Variants in SYN3 observed in about 807,000 individuals in gnomAD.
SYN3 encodes the protein synapsin III.
SYN3 carries 35 observed loss-of-function variants against 65.8 expected under a neutral mutation model. That is an observed-to-expected ratio of 0.53 (90% CI 0.41 to 0.70). The LOEUF (loss-of-function observed/expected upper bound fraction) is 0.70. SYN3 is among the 30% of genes least tolerant of loss of function. SYN3 has a pLI of 0.00. For missense variants in SYN3, 680 were observed against 749.0 expected, an observed-to-expected ratio of 0.91 and a Z score of 1.08; for synonymous variants, 270 against 292.9, an observed-to-expected ratio of 0.92 and a Z score of 0.80.
chr22:32,558,521 G>A (rs1298911544), intron 7 of SYN3, among the ~76,000 whole-genome samples: 1 of 152,232 alleles, frequency 6.6e-6, no homozygotes, highest in Non-Finnish European at 1.5e-5. Context: ...TGGTTTGAAT[G>A]CAGAGGATGG....
Position 32,846,974 on chromosome 22 carries a change from C to T in SYN3, c.711+17941G>A, listed in dbSNP as rs5998646. ...TGCAGAAGCTTCCAGCAGTACTCAG[C>T]TTTATGGGGCAGGTCTGCTTGTGAC... On this transcript the variant is annotated intron_variant, in intron 6 of 13. Transcript: ENST00000358763. Among the ~76,000 whole-genome samples the T allele has an allele frequency of 8.2e-3, 1,252 of 152,344 alleles. 15 individuals are homozygous for T. Among genetic ancestry groups the T allele is most frequent in the African/African-American group, 0.029 (1,203 of 41,580 alleles).
At position 32,541,588 on chromosome 22, in the gene SYN3, G is replaced by C; in HGVS notation, c.900C>G (p.Ser300=). 6.2e-7 allele frequency: 1 copy of C among 1,614,080 alleles called. No homozygotes were observed. The highest frequency in any genetic ancestry group is 1.3e-5 in the African/African-American group (1 of 75,014). The part of the protein sequence containing the change: ...KYDIRIQKIG[S]NYKAYMRTSI... ...AGACTCACATGTAAGCCTTGTAGTT[G>C]GATCCAATTTTCTGGATGCGGATGT... Residue 300 remains serine (S), a synonymous_variant, in exon 8 of 14, where the codon TCC becomes TCG. Coordinates refer to ENST00000358763, the MANE Select transcript of SYN3 (RefSeq NM_003490.4).
At chr22:32,990,399 T>C (rs171356) in intron 2 of SYN3, among the ~76,000 whole-genome samples, 50,425 of 130,508 alleles carry the variant, frequency 0.39, 9,060 homozygotes, top group South Asian at 0.45. Flanking sequence ...CATCCATCCA[T>C]CCATCCAGCC....
In SYN3 at chr22:32,854,287, G is replaced by A. The variant is rs528267485; in HGVS notation, c.711+10628C>T. 3.3e-5 allele frequency among the ~76,000 whole-genome samples: 5 copies of A among 152,304 alleles called. No individual in the cohort carries two copies. In the South Asian group the frequency reaches 6.2e-4, roughly 19 times the overall value. ...GTCAGAATTTCGACTCTAGGCAAGT[G>A]CTAGGAGCTAAAATGCAGGTTCCTT... On this transcript the variant is annotated intron_variant, in intron 6 of 13. Coordinates refer to ENST00000358763, the MANE Select transcript of SYN3 (RefSeq NM_003490.4).
chr22:32,986,132 C>A (rs1445641392), intron 2 of SYN3, among the ~76,000 whole-genome samples: 1 of 152,020 alleles, frequency 6.6e-6, no homozygotes, highest in African/African-American at 2.4e-5. Flanking sequence ...CACAGGACAA[C>A]AGGCTTAACA....
In SYN3 at chr22:32,512,101, G is replaced by A. The variant is rs1454293935; in HGVS notation, c.*1591C>T. Among the ~76,000 whole-genome samples, 2 of 152,210 alleles carry A rather than the reference G, an allele frequency of 1.3e-5. No homozygotes were observed. Among genetic ancestry groups the A allele is most frequent in the Non-Finnish European group, 1.5e-5 (1 of 68,040 alleles). ...TGCCCACAGAAGGAGAGGGTCTCTGGCCCTGACGTCACCACTCCAGTTTGG... is the reference window on the plus strand; with the variant it reads ...TGCCCACAGAAGGAGAGGGTCTCTGACCCTGACGTCACCACTCCAGTTTGG... On this transcript the variant is annotated 3_prime_UTR_variant, in exon 14 of 14. Transcript: ENST00000358763.
At position 32,598,801 on chromosome 22, in the gene SYN3, T is replaced by C. The variant is rs73881754; in HGVS notation, c.712-2065A>G. ...CTGCGCCCAGCCATAGTTTTTTTTT[T>C]CCTTGATTTCAGGCTAAAATTTACC... On this transcript the variant is annotated intron_variant, in intron 6 of 13. Transcript: ENST00000358763. Among the ~76,000 whole-genome samples, 753 of 152,164 alleles carry C rather than the reference T, an allele frequency of 4.9e-3. 5 individuals are homozygous for C. Among genetic ancestry groups the C allele is most frequent in the African/African-American group, 0.016 (673 of 41,472 alleles).
chr22:33,008,858 G>C (rs2053265729), intron 1 of SYN3, among the ~76,000 whole-genome samples: 1 of 145,036 alleles, frequency 6.9e-6, no homozygotes, highest in South Asian at 2.2e-4. Flanking sequence ...CCAGGAGGTG[G>C]AGGTTGCAGT....
chr22:32,750,092 A>G (rs1191206995), intron 6 of SYN3, among the ~76,000 whole-genome samples: 1 of 152,034 alleles, frequency 6.6e-6, no homozygotes, highest in African/African-American at 2.4e-5. Flanking sequence ...GGTGCTAGAG[A>G]CACGGTGGTG....
chr22:32,919,241 C>T (rs975695072), intron 4 of SYN3, among the ~76,000 whole-genome samples: 2 of 152,202 alleles, frequency 1.3e-5, no homozygotes, highest in African/African-American at 4.8e-5. Context: ...TTCCTCTCCA[C>T]TCAAGTCACC....
chr22:32,734,036 A>G (rs2061304931), intron 6 of SYN3, among the ~76,000 whole-genome samples: 5 of 152,164 alleles, frequency 3.3e-5, no homozygotes, highest in Admixed American at 3.3e-4. Flanking sequence ...AAAGGTCCAG[A>G]ACTAAACAGA....
chr22:32,805,611 T>C (rs2046711203), intron 6 of SYN3, among the ~76,000 whole-genome samples: 2 of 150,864 alleles, frequency 1.3e-5, no homozygotes, highest in East Asian at 2.0e-4. Context: ...CCAAATGCCA[T>C]CTCTTTCACC....
chr22:32,566,096 G>T (rs1270571902), intron 7 of SYN3, among the ~76,000 whole-genome samples: 1 of 151,978 alleles, frequency 6.6e-6, no homozygotes, highest in Non-Finnish European at 1.5e-5. Flanking sequence ...TCCTGCTTGG[G>T]TCTCCTAAAG....
intron 6 of SYN3, among the ~76,000 whole-genome samples, chr22:32,609,975 C>G (rs2146677683): frequency 6.6e-6 from 1 of 152,112 alleles, no homozygotes; most frequent in African/African-American, 2.4e-5. Context: ...GTGAAGGAAA[C>G]TAGTCATAAA....
At chr22:32,997,004 G>T (rs559736505) in intron 2 of SYN3, among the ~76,000 whole-genome samples, 2 of 152,084 alleles carry the variant, frequency 1.3e-5, no homozygotes, top group South Asian at 4.2e-4. Flanking sequence ...AGGCCCCAGG[G>T]TCCTGCTCCC....
intron 4 of SYN3, among the ~76,000 whole-genome samples, chr22:32,902,871 CAAAAAAA>C: frequency 7.8e-6 from 1 of 127,524 alleles, no homozygotes; most frequent in East Asian, 2.9e-4. Flanking sequence ...CCCCTGGAGA[CAAAAAAA>C]AAAAAAAAAG....
chr22:33,024,591 C>T (rs900781964), intron 1 of SYN3, among the ~76,000 whole-genome samples: 1 of 152,138 alleles, frequency 6.6e-6, no homozygotes, highest in Non-Finnish European at 1.5e-5. Flanking sequence ...TTGGCATGTA[C>T]ATTTTATGGA....
chr22:32,919,660 T>C (rs1464323517), intron 4 of SYN3, among the ~76,000 whole-genome samples: 3 of 152,168 alleles, frequency 2.0e-5, no homozygotes, highest in Non-Finnish European at 4.4e-5. Context: ...AAATTAAAAG[T>C]TCAGGAAGCC....
chr22:32,583,651 C>T (rs765337867), intron 7 of SYN3, among the ~76,000 whole-genome samples: 2 of 152,186 alleles, frequency 1.3e-5, no homozygotes, highest in Admixed American at 6.5e-5. Context: ...ATCATTGAAA[C>T]GGTCCTCACA....
Sources: allele counts gnomAD v4.1 joint callset (sites outside exome capture counted in the v4.1 genomes callset), GRCh38; gene constraint gnomAD v4.1.1; transcripts MANE v1.5; gene names NCBI Gene and HGNC (gene_info 2026-07-23, HGNC 2026-07-21).